ZNF451: variants seen among roughly 807,000 people sequenced by gnomAD.
The protein encoded by ZNF451 is zinc finger protein 451.
ZNF451 carries 80 observed loss-of-function variants against 107.1 expected under a neutral mutation model. That is an observed-to-expected ratio of 0.75 (90% CI 0.62 to 0.90). The LOEUF (loss-of-function observed/expected upper bound fraction) is 0.90. Among genes scored for constraint, ZNF451 ranks in the 40% least tolerant of loss-of-function variants. ZNF451 has a pLI of 0.00. For synonymous variants in ZNF451, 362 were observed against 406.5 expected (o/e 0.89, Z 1.32); for missense variants, 1,107 against 1,236.2 (o/e 0.90, Z 1.57).
chr6:57,140,985 A>G lies in ZNF451; in HGVS notation c.703-317A>G, dbSNP rs368196263. 3.9e-4 allele frequency among the ~76,000 whole-genome samples: 60 copies of G among 152,340 alleles called. No homozygotes were observed. In the East Asian group the frequency reaches 6.6e-3, roughly 17 times the overall value. On this transcript the variant is annotated intron_variant, in intron 7 of 14. Coordinates refer to ENST00000370706, the MANE Select transcript of ZNF451 (RefSeq NM_001031623.3). ...GGAAAAGTGTATGTGGTGTGATCAC[A>G]TTTATGCATTTATATATTACATGTG...
intron 3 of ZNF451, chr6:57,106,631 T>TTTA: frequency 1.0e-6 from 1 of 984,272 alleles, no homozygotes; most frequent in Non-Finnish European, 1.2e-6. Context: ...TTTTTTTTTT[T>TTTA]ATGTGAGGCA....
chr6:57,163,576 G>T (rs1027092417), intron 14 of ZNF451, among the ~76,000 whole-genome samples: 2 of 144,524 alleles, frequency 1.4e-5, no homozygotes, highest in Non-Finnish European at 3.0e-5. Flanking sequence ...TCAGCCTCCC[G>T]AGTAGCTGGG....
Position 57,129,710 on chromosome 6 carries a change from A to G in ZNF451, c.424+870A>G, listed in dbSNP as rs923894853. Reference sequence around the variant, plus strand: ...TTCATTCCATTTGATACCTGACATAATCGATGTTTTAGACACTTGGCACCC... The same window carrying G: ...TTCATTCCATTTGATACCTGACATAGTCGATGTTTTAGACACTTGGCACCC... On this transcript the variant is annotated intron_variant, in intron 5 of 14. Transcript: ENST00000370706. Among the ~76,000 whole-genome samples, 13 of 151,992 alleles carry G rather than the reference A, an allele frequency of 8.6e-5. 1 individual carries two copies. The highest frequency in any genetic ancestry group is 3.1e-4 in the African/African-American group (13 of 41,386).
chr6:57,168,955 A>T lies in ZNF451; in HGVS notation c.*486A>T, dbSNP rs1764020419. On this transcript the variant is annotated 3_prime_UTR_variant, in exon 15 of 15. Coordinates refer to ENST00000370706, the MANE Select transcript of ZNF451 (RefSeq NM_001031623.3). ...TATAATACCTTTGAGATCTTTGTTTATGTTTATTAGAAGAGGGTAATGGAA... is the reference window on the plus strand; with the variant it reads ...TATAATACCTTTGAGATCTTTGTTTTTGTTTATTAGAAGAGGGTAATGGAA... The T allele has an allele frequency of 3.3e-5, 5 of 152,646 alleles. No individual in the cohort carries two copies. The highest frequency in any genetic ancestry group is 5.9e-5 in the Non-Finnish European group (4 of 68,262). The allele number at this position is 152,646 out of a possible 1,614,324, so 9.5% of individuals were successfully genotyped here.
intron 3 of ZNF451, chr6:57,115,479 A>C (rs1464251087): frequency 6.6e-6 from 1 of 152,166 alleles, no homozygotes; most frequent in Non-Finnish European, 1.5e-5. Context: ...ACTTTCATGG[A>C]GATGTTTCGT....
intron 14 of ZNF451, chr6:57,165,040 T>C (rs1374506966): frequency 6.6e-6 from 1 of 152,178 alleles, no homozygotes; most frequent in Non-Finnish European, 1.5e-5. Context: ...TAGGAATAGT[T>C]TTGTCAGATA....
intron 14 of ZNF451, among the ~76,000 whole-genome samples, chr6:57,162,789 A>C (rs1447329624): frequency 6.6e-6 from 1 of 152,162 alleles, no homozygotes; most frequent in African/African-American, 2.4e-5. Flanking sequence ...AGGAAATCTG[A>C]GATTTGTGTA....
intron 12 of ZNF451, among the ~76,000 whole-genome samples, chr6:57,153,602 C>T (rs553448244): frequency 6.6e-6 from 1 of 151,866 alleles, no homozygotes; most frequent in African/African-American, 2.4e-5. Context: ...TAATAGAGAC[C>T]GCGTTTCACC....
At chr6:57,152,130 A>G (rs1562625864) in intron 11 of ZNF451, 91 bp from the exon 12 acceptor site, 1 of 1,369,604 alleles carries the variant, frequency 7.3e-7, no homozygotes, top group African/African-American at 1.5e-5. Context: ...CTCTAGAAAA[A>G]TTTTTTTCTA....
At chr6:57,138,733 A>ATGTGTGTGTG (rs1424146625) in intron 7 of ZNF451, among the ~76,000 whole-genome samples, 4 of 111,042 alleles carry the variant, frequency 3.6e-5, no homozygotes, top group African/African-American at 7.3e-5. Flanking sequence ...ATATATATAT[A>ATGTGTGTGTG]TATATATATG....
At chr6:57,106,888 G>A (rs1392516492) in intron 3 of ZNF451, 11 of 957,974 alleles carry the variant, frequency 1.1e-5, no homozygotes, top group Non-Finnish European at 1.4e-5. Flanking sequence ...TGTATTGAAT[G>A]CAAATCTTTT....
chr6:57,156,623 CA>C (rs1763436420), intron 13 of ZNF451, among the ~76,000 whole-genome samples: 1 of 152,056 alleles, frequency 6.6e-6, no homozygotes, highest in Non-Finnish European at 1.5e-5. Context: ...CTCCATCCCC[CA>C]AAATAAACAT....
chr6:57,109,479 G>T (rs1391758546), intron 3 of ZNF451: 36 of 985,250 alleles, frequency 3.7e-5, no homozygotes, highest in Admixed American at 6.2e-5. Context: ...AAAGTACTTT[G>T]ACAACACACT....
At chr6:57,128,865 G>T in intron 5 of ZNF451, 25 bp downstream of exon 5, 1 of 1,542,998 alleles carries the variant, frequency 6.5e-7, no homozygotes, top group South Asian at 1.2e-5. Context: ...TTACACTAAG[G>T]TTACCTAGCT....
At position 57,146,663 on chromosome 6, in the gene ZNF451, C is replaced by T. The variant is rs145990595; in HGVS notation, c.1005-427C>T. Among the ~76,000 whole-genome samples, 6 of 152,094 alleles carry T rather than the reference C, an allele frequency of 3.9e-5. No homozygotes were observed. The East Asian group carries it at 1.2e-3, about 29-fold the overall frequency. On this transcript the variant is annotated intron_variant, in intron 9 of 14. Transcript: ENST00000370706. The stretch of plus-strand genomic sequence containing the variant: ...TACCAGTACATGTTGTTTTGGTTAC[C>T]ATAGCCTTATAGTATCAACATTAAT...
chr6:57,155,848 A>T, intron 13 of ZNF451, among the ~76,000 whole-genome samples: 1 of 137,822 alleles, frequency 7.3e-6, no homozygotes, highest in Non-Finnish European at 1.5e-5. Context: ...TTAATCACTC[A>T]TACTCAGTAC....
chr6:57,100,821 G>A, intron 3 of ZNF451: 1 of 1,548,102 alleles, frequency 6.5e-7, no homozygotes, highest in Non-Finnish European at 8.7e-7. Context: ...CTGAGACAGA[G>A]ACCCTTAAAT....
At chr6:57,162,143 A>G (rs986787302) in intron 14 of ZNF451, among the ~76,000 whole-genome samples, 2 of 152,204 alleles carry the variant, frequency 1.3e-5, no homozygotes, top group South Asian at 2.1e-4. Flanking sequence ...AAACAGTAGG[A>G]GTCTTCATGT....
chr6:57,131,106 A>G (rs1348502793), intron 5 of ZNF451, among the ~76,000 whole-genome samples: 1 of 152,176 alleles, frequency 6.6e-6, no homozygotes, highest in African/African-American at 2.4e-5. Flanking sequence ...GTAGCATTAA[A>G]GGACTCATTC....
Sources: allele counts gnomAD v4.1 joint callset (sites outside exome capture counted in the v4.1 genomes callset), GRCh38; gene constraint gnomAD v4.1.1; transcripts MANE v1.5; gene names NCBI Gene and HGNC (gene_info 2026-07-23, HGNC 2026-07-21).